The following TYW1 variants were observed in gnomAD, a reference collection of about 807,000 sequenced individuals.
The protein encoded by TYW1 is S-adenosyl-L-methionine-dependent tRNA 4-demethylwyosine synthase TYW1.
Under a neutral mutation model 96.2 loss-of-function variants are expected in TYW1, and 46 were observed. The ratio of observed to expected loss-of-function variants is 0.48; its 90% confidence interval spans 0.38 to 0.61. The LOEUF is 0.61. Ranked by LOEUF, TYW1 falls within the 20% of genes least tolerant of loss-of-function variation. The probability of loss-of-function intolerance (pLI) is 0.00; values close to 1 mark genes in which losing one functional copy is unlikely to be tolerated. For synonymous variants in TYW1, 274 were observed against 323.0 expected, an observed-to-expected ratio of 0.85 and a Z score of 1.63; for missense variants, 684 against 909.6, an observed-to-expected ratio of 0.75 and a Z score of 3.19.
intron 12 of TYW1, among the ~76,000 whole-genome samples, chr7:67,115,265 G>C (rs1401239055): frequency 1.4e-5 from 2 of 140,430 alleles, no homozygotes; most frequent in Non-Finnish European, 3.1e-5. Context: ...TTTTTAAATA[G>C]AAGTCCAGTT....
chr7:67,158,909 C>T (rs549278096), intron 13 of TYW1, among the ~76,000 whole-genome samples: 1 of 152,260 alleles, frequency 6.6e-6, no homozygotes, highest in East Asian at 1.9e-4. Flanking sequence ...TGTCTTCTCT[C>T]CGTTTTTCTT....
At chr7:67,181,602 A>G (rs912004111) in intron 13 of TYW1, among the ~76,000 whole-genome samples, 2 of 150,080 alleles carry the variant, frequency 1.3e-5, no homozygotes, top group African/African-American at 4.9e-5. Context: ...CATCCCTTTC[A>G]CTTTACTGTT....
intron 12 of TYW1, among the ~76,000 whole-genome samples, chr7:67,114,000 C>T (rs1265410045): frequency 2.0e-5 from 3 of 152,130 alleles, no homozygotes; most frequent in Non-Finnish European, 4.4e-5. Context: ...TCAGCTTCAT[C>T]GTCTCTAAAA....
intron 13 of TYW1, among the ~76,000 whole-genome samples, chr7:67,143,010 G>T (rs148899626): frequency 1.3e-5 from 2 of 149,002 alleles, no homozygotes; most frequent in African/African-American, 5.0e-5. Context: ...CCAAGATAGC[G>T]CCATTGCACT....
At chr7:67,169,637 G>T (rs1274283330) in intron 13 of TYW1, among the ~76,000 whole-genome samples, 2 of 152,210 alleles carry the variant, frequency 1.3e-5, no homozygotes, top group South Asian at 2.1e-4. Context: ...CTGACCTTGT[G>T]ATCCACCTGC....
chr7:67,053,438 G>A (rs1484605849), intron 8 of TYW1, among the ~76,000 whole-genome samples: 3 of 149,158 alleles, frequency 2.0e-5, no homozygotes, highest in African/African-American at 7.5e-5. Flanking sequence ...GGGGTGCAGT[G>A]GTGTGATCTT....
At chr7:67,006,720 A>G (rs1051792148) in intron 3 of TYW1, among the ~76,000 whole-genome samples, 2 of 152,050 alleles carry the variant, frequency 1.3e-5, no homozygotes, top group African/African-American at 4.8e-5. Context: ...GATTACAGGC[A>G]TGAGCCACCA....
intron 13 of TYW1, among the ~76,000 whole-genome samples, chr7:67,146,228 T>C (rs1242646334): frequency 1.3e-5 from 2 of 152,232 alleles, no homozygotes; most frequent in African/African-American, 2.4e-5. Context: ...TAATGATAGA[T>C]TGCCTTCCTC....
chr7:67,221,861 C>T (rs78832776), intron 15 of TYW1, among the ~76,000 whole-genome samples: 144 of 144,340 alleles, frequency 1.0e-3, no homozygotes, highest in African/African-American at 3.5e-3. Flanking sequence ...TAATACTTGT[C>T]TTTTTTTTTT....
intron 13 of TYW1, among the ~76,000 whole-genome samples, chr7:67,159,416 C>A (rs564507787): frequency 5.9e-5 from 9 of 152,162 alleles, no homozygotes; most frequent in Non-Finnish European, 1.0e-4. Flanking sequence ...CACATTCTTA[C>A]ATGATGAAGT....
At chr7:67,167,835 A>T (rs1343683400) in intron 13 of TYW1, among the ~76,000 whole-genome samples, 2 of 151,830 alleles carry the variant, frequency 1.3e-5, no homozygotes, top group Admixed American at 1.3e-4. Flanking sequence ...GTTCACTGCA[A>T]CCTCTGCCTC....
At chr7:67,110,984 G>C (rs1025229931) in intron 12 of TYW1, among the ~76,000 whole-genome samples, 10 of 152,086 alleles carry the variant, frequency 6.6e-5, no homozygotes, top group South Asian at 2.1e-4. Flanking sequence ...CAGCCTGGGG[G>C]ACAGAGTGAG....
At chr7:67,095,707 G>A (rs62468368) in intron 11 of TYW1, among the ~76,000 whole-genome samples, 20,290 of 126,392 alleles carry the variant, frequency 0.16, 1,526 homozygotes, top group Middle Eastern at 0.22. Context: ...AACAGCAGCA[G>A]CAGCAGCAGC....
intron 10 of TYW1, among the ~76,000 whole-genome samples, chr7:67,070,938 T>C (rs1440981202): frequency 6.6e-6 from 1 of 152,062 alleles, no homozygotes; most frequent in African/African-American, 2.4e-5. Context: ...GAGACCATCC[T>C]GGCTAACACA....
intron 13 of TYW1, among the ~76,000 whole-genome samples, chr7:67,180,665 CAG>C (rs1160199248): frequency 8.3e-6 from 1 of 120,946 alleles, no homozygotes; most frequent in African/African-American, 3.6e-5. Context: ...TTATTTGAGA[CAG>C]AGTCTCACTC....
At position 67,169,374 on chromosome 7, in the gene TYW1, A is replaced by T. The variant is rs181313401; in HGVS notation, c.1699-13752A>T. 2.0e-5 allele frequency among the ~76,000 whole-genome samples: 3 copies of T among 152,050 alleles called. No homozygotes were observed. The East Asian group carries it at 5.8e-4, about 29-fold the overall frequency. ...CAGTTAGTATAATGTTTTCCAAGTTAGCGCATGTTATATAGCATGAATCAG... is the reference window on the plus strand; with the variant it reads ...CAGTTAGTATAATGTTTTCCAAGTTTGCGCATGTTATATAGCATGAATCAG... On this transcript the variant is annotated intron_variant, in intron 13 of 15. Transcript: ENST00000359626.
chr7:67,053,836 C>G (rs13309297), intron 8 of TYW1, among the ~76,000 whole-genome samples: 52 of 152,308 alleles, frequency 3.4e-4, no homozygotes, highest in African/African-American at 1.2e-3. Context: ...AGAGAAATCC[C>G]CTGTAGACTC....
chr7:67,142,314 G>A (rs1200334961), intron 13 of TYW1, among the ~76,000 whole-genome samples: 2 of 152,134 alleles, frequency 1.3e-5, no homozygotes, highest in East Asian at 3.8e-4. Flanking sequence ...GTGTTGCATA[G>A]GCTGGTCTTC....
intron 7 of TYW1, among the ~76,000 whole-genome samples, chr7:67,034,709 C>G (rs527476829): frequency 6.6e-6 from 1 of 152,120 alleles, no homozygotes; most frequent in Non-Finnish European, 1.5e-5. Context: ...TAAGGTAGTT[C>G]GTAATGATGT....
Sources: allele counts gnomAD v4.1 joint callset (sites outside exome capture counted in the v4.1 genomes callset), GRCh38; gene constraint gnomAD v4.1.1; transcripts MANE v1.5; gene names NCBI Gene and HGNC (gene_info 2026-07-23, HGNC 2026-07-21).